Variants in ARL6IP6 observed in about 807,000 individuals in gnomAD.
The protein encoded by ARL6IP6 is ADP-ribosylation factor-like protein 6-interacting protein 6.
In ARL6IP6, 22 loss-of-function variants were observed where a neutral mutation model predicts 21.5. That is an observed-to-expected ratio of 1.02 (90% CI 0.73 to 1.46). ARL6IP6 has a LOEUF of 1.46. ARL6IP6 is among the 40% of genes most tolerant of loss of function. ARL6IP6 has a pLI of 0.00. For synonymous variants in ARL6IP6, 164 were observed against 125.3 expected (o/e 1.31, Z -2.06); for missense variants, 388 against 299.8 (o/e 1.29, Z -2.17).
intron 3 of ARL6IP6, among the ~76,000 whole-genome samples, chr2:152,736,076 G>T (rs6723574): frequency 0.63 from 95,169 of 151,932 alleles, 30,094 homozygotes; most frequent in East Asian, 0.72. Context: ...TACATTTTTA[G>T]TGTTTTAATC....
At chr2:152,757,336 T>C (rs1215947447) in intron 3 of ARL6IP6, among the ~76,000 whole-genome samples, 3 of 152,148 alleles carry the variant, frequency 2.0e-5, no homozygotes, top group Non-Finnish European at 4.4e-5. Context: ...TAAAAATGCA[T>C]TGAACTGTAT....
chr2:152,747,980 C>T (rs1701136877), intron 3 of ARL6IP6, among the ~76,000 whole-genome samples: 1 of 152,156 alleles, frequency 6.6e-6, no homozygotes, highest in Non-Finnish European at 1.5e-5. Flanking sequence ...GGATTACTGG[C>T]ATGAGTCACC....
chr2:152,719,176 C>A, intron 1 of ARL6IP6, 152 bp downstream of exon 1: 1 of 884,570 alleles, frequency 1.1e-6, no homozygotes, highest in East Asian at 3.0e-5. Context: ...ACTTTGCTCT[C>A]CCGCCCTTTG....
At position 152,762,371 on chromosome 2, in the gene ARL6IP6, T is replaced by G. The variant is rs1264963176; in HGVS notation, c.*2531T>G. ...ATTCTTGATACGTGAGTCAATAAATTTCTGTCTTTTGGCCTTTGCAGTTTA... is the reference window on the plus strand; with the variant it reads ...ATTCTTGATACGTGAGTCAATAAATGTCTGTCTTTTGGCCTTTGCAGTTTA... On this transcript the variant is annotated 3_prime_UTR_variant, in exon 4 of 4. Coordinates refer to ENST00000326446, the MANE Select transcript of ARL6IP6 (RefSeq NM_152522.7). 6.6e-6 allele frequency among the ~76,000 whole-genome samples: 1 copy of G among 152,204 alleles called. No homozygotes were observed. Among genetic ancestry groups the G allele is most frequent in the Non-Finnish European group, 1.5e-5 (1 of 68,032 alleles).
intron 2 of ARL6IP6, among the ~76,000 whole-genome samples, chr2:152,726,991 T>C (rs1259690368): frequency 6.6e-6 from 1 of 152,232 alleles, no homozygotes; most frequent in Non-Finnish European, 1.5e-5. Flanking sequence ...ATGTATTTAC[T>C]ATGCTTCTTA....
chr2:152,756,928 A>G (rs1019544268), intron 3 of ARL6IP6, among the ~76,000 whole-genome samples: 2 of 152,186 alleles, frequency 1.3e-5, no homozygotes, highest in African/African-American at 2.4e-5. Context: ...TCCAAGAGAA[A>G]TAAGTGCAGA....
intron 3 of ARL6IP6, among the ~76,000 whole-genome samples, chr2:152,753,886 A>G (rs574330112): frequency 1.3e-5 from 2 of 151,860 alleles, no homozygotes; most frequent in East Asian, 3.9e-4. Flanking sequence ...TATTTTTAGT[A>G]GAGACGGGGT....
intron 3 of ARL6IP6, among the ~76,000 whole-genome samples, chr2:152,741,674 T>G (rs1341190096): frequency 6.6e-6 from 1 of 152,166 alleles, no homozygotes; most frequent in Non-Finnish European, 1.5e-5. Context: ...ATCTTAGCAA[T>G]TTTCACTTTT....
intron 2 of ARL6IP6, among the ~76,000 whole-genome samples, chr2:152,728,956 G>A (rs1159147173): frequency 6.6e-6 from 1 of 151,766 alleles, no homozygotes; most frequent in Non-Finnish European, 1.5e-5. Context: ...TACTCTGGAG[G>A]CTGAGGCAGG....
chr2:152,729,049 C>T (rs1247351942), intron 2 of ARL6IP6, among the ~76,000 whole-genome samples: 1 of 144,662 alleles, frequency 6.9e-6, no homozygotes, highest in East Asian at 2.0e-4. Flanking sequence ...CAGCAAGATT[C>T]CTTCTCAAAA....
At chr2:152,752,189 C>G (rs977115218) in intron 3 of ARL6IP6, among the ~76,000 whole-genome samples, 1 of 152,182 alleles carries the variant, frequency 6.6e-6, no homozygotes, top group Non-Finnish European at 1.5e-5. Flanking sequence ...TCAGTCTTTT[C>G]AAACCCCTCT....
intron 2 of ARL6IP6, among the ~76,000 whole-genome samples, chr2:152,725,873 A>G (rs1222364487): frequency 2.0e-5 from 3 of 152,176 alleles, no homozygotes; most frequent in Non-Finnish European, 4.4e-5. Context: ...ATTTTTAACA[A>G]AGTTTTTTTC....
At chr2:152,745,965 A>G (rs374834871) in intron 3 of ARL6IP6, among the ~76,000 whole-genome samples, 27 of 142,852 alleles carry the variant, frequency 1.9e-4, no homozygotes, top group Middle Eastern at 3.7e-3. Flanking sequence ...TATTGTTTCC[A>G]TAAAGTGATA....
intron 3 of ARL6IP6, among the ~76,000 whole-genome samples, chr2:152,740,806 A>C (rs1298492500): frequency 6.6e-6 from 1 of 152,142 alleles, no homozygotes; most frequent in Non-Finnish European, 1.5e-5. Flanking sequence ...TATAAATGAT[A>C]TATATACCCA....
chr2:152,742,052 C>T (rs1700836320), intron 3 of ARL6IP6, among the ~76,000 whole-genome samples: 1 of 152,220 alleles, frequency 6.6e-6, no homozygotes, highest in Non-Finnish European at 1.5e-5. Context: ...GCTTCTTCTA[C>T]ACTACCTACT....
intron 3 of ARL6IP6, among the ~76,000 whole-genome samples, chr2:152,738,910 C>CT (rs1197647705): frequency 1.3e-5 from 2 of 151,846 alleles, no homozygotes; most frequent in African/African-American, 2.4e-5. Context: ...ATTTTCTGAG[C>CT]TTTTATGCTT....
intron 2 of ARL6IP6, among the ~76,000 whole-genome samples, chr2:152,727,746 T>TAGA (rs71394502): frequency 1.3e-5 from 2 of 152,094 alleles, no homozygotes; most frequent in Admixed American, 6.6e-5. Flanking sequence ...ATTGGAATAA[T>TAGA]AGGATATAAC....
intron 3 of ARL6IP6, among the ~76,000 whole-genome samples, chr2:152,746,292 G>T (rs1701044207): frequency 6.6e-6 from 1 of 152,118 alleles, no homozygotes; most frequent in Admixed American, 6.5e-5. Flanking sequence ...CTCCCAAAGT[G>T]CTGGGATTAC....
rs558760088 is a variant in ARL6IP6 at position 152,718,830 on chromosome 2, A to G, written c.206A>G (p.Lys69Arg). Residue 69 changes from lysine to arginine, a missense_variant, in exon 1 of 4, where the codon AAG becomes AGG. Coordinates refer to ENST00000326446, the MANE Select transcript of ARL6IP6 (RefSeq NM_152522.7). ...GCTGGGGCGTGGTCAGAGCCCAGAA[A>G]GCGCTCGGTGCTCCCGCCGGACGGG... is the stretch of plus-strand genomic sequence containing the variant. The part of the protein sequence containing the change: ...FSAGAWSEPR[K>R]RSVLPPDGNG... The G allele has an allele frequency of 2.0e-5, 33 of 1,610,564 alleles. No individual in the cohort carries two copies. Among genetic ancestry groups the G allele is most frequent in the Admixed American group, 1.7e-4 (10 of 59,538 alleles).
Sources: gnomAD v4.1 joint callset for allele counts (sites outside exome capture counted in the v4.1 genomes callset) on GRCh38, gnomAD v4.1.1 for gene constraint, MANE v1.5 for transcripts, NCBI Gene and HGNC (gene_info 2026-07-23, HGNC 2026-07-21) for gene names.